The following CLTCL1 variants were observed in gnomAD, a reference collection of about 807,000 sequenced individuals.
The protein encoded by CLTCL1 is clathrin heavy chain like 1, also known as clathrin heavy chain 2.
A neutral mutation model predicts 190.0 loss-of-function variants in CLTCL1; 159 were observed. That is an observed-to-expected ratio of 0.84 (90% CI 0.74 to 0.95). The LOEUF (loss-of-function observed/expected upper bound fraction) is 0.95. CLTCL1 is among the 40% of genes least tolerant of loss of function. CLTCL1 has a pLI of 0.00. For missense variants in CLTCL1, 1,878 were observed against 2,033.4 expected (o/e 0.92, Z 1.47); for synonymous variants, 752 against 769.6 (o/e 0.98, Z 0.38).
At chr22:19,263,468 G>A (rs1051186285) in intron 2 of CLTCL1, among the ~76,000 whole-genome samples, 4 of 152,084 alleles carry the variant, frequency 2.6e-5, no homozygotes, top group Non-Finnish European at 5.9e-5. Context: ...AGGCTGAAGT[G>A]CAGTGGCGCA....
rs2087480260 is a variant in CLTCL1 at position 19,275,749 on chromosome 22, C to T, written c.124G>A (p.Glu42Lys). 6.2e-7 allele frequency: 1 copy of T among 1,610,040 alleles called. No homozygotes were observed. Among genetic ancestry groups the T allele is most frequent in the East Asian group, 2.2e-5 (1 of 44,794 alleles). Residue 42 changes from glutamate to lysine, a missense_variant, in exon 2 of 33, where the codon GAG becomes AAG. Coordinates refer to ENST00000427926, the MANE Select transcript of CLTCL1 (RefSeq NM_007098.4). ...MESDKFICIR[E>K]KVGEQAQVTI... ...ACCTGTGCCTGCTCACCAACTTTCT[C>T]TCGGATACATATGAACTTGTCAGAT...
chr22:19,220,057 C>G, intron 17 of CLTCL1, 50 bp from the exon 18 acceptor site: 3 of 1,611,360 alleles, frequency 1.9e-6, no homozygotes, highest in Non-Finnish European at 2.5e-6. Context: ...CCAGCGGAAG[C>G]TGCTTGGGAG....
chr22:19,275,847 C>T lies in CLTCL1; in HGVS notation c.43-17G>A. On this transcript the variant is annotated splice_polypyrimidine_tract_variant and intron_variant, in intron 1 of 32. Coordinates refer to ENST00000427926, the MANE Select transcript of CLTCL1 (RefSeq NM_007098.4). ...GTTTTGGAGCTAAACAGAAAAAAAG[C>T]ATTTGATTAAATTTTTTTCCTCTGA... The T allele has an allele frequency of 6.4e-7, 1 of 1,566,954 alleles. No individual in the cohort carries two copies. Among genetic ancestry groups the T allele is most frequent in the Non-Finnish European group, 8.7e-7 (1 of 1,154,680 alleles).
In CLTCL1 at chr22:19,223,923, A is replaced by G. The variant is rs782808716; in HGVS notation, c.2260T>C (p.Tyr754His). Residue 754 changes from tyrosine (Y) to histidine (H), a missense_variant, in exon 14 of 33, where the codon TAC (tyrosine) becomes CAC (histidine). Physicochemically the swap from Tyr to His is moderately conservative, Grantham distance 83. Transcript: ENST00000427926. ...AAGTTCTTCACACGCTCTGGGTTGT[A>G]GCAGCTGCTCTCTCGGCATATCCTC... ...VERICRESSC[Y>H]NPERVKNFLK... The G allele has an allele frequency of 4.3e-6, 7 of 1,613,916 alleles. No individual in the cohort carries two copies. The South Asian group carries it at 5.5e-5, about 13-fold the overall frequency.
intron 22 of CLTCL1, among the ~76,000 whole-genome samples, 175 bp from the exon 23 acceptor site, chr22:19,201,668 C>A (rs1555939692): frequency 6.6e-6 from 1 of 152,070 alleles, no homozygotes; most frequent in African/African-American, 2.4e-5. Flanking sequence ...TCCCTGGACA[C>A]CCTCCTCCAC....
chr22:19,193,850 C>T (rs782325995), intron 26 of CLTCL1, among the ~76,000 whole-genome samples: 2 of 152,182 alleles, frequency 1.3e-5, no homozygotes, highest in African/African-American at 2.4e-5. Context: ...TCCAGACCTT[C>T]GCAGTGAGTG....
intron 4 of CLTCL1, among the ~76,000 whole-genome samples, chr22:19,241,237 G>C (rs2086244530): frequency 6.6e-6 from 1 of 152,242 alleles, no homozygotes; most frequent in Non-Finnish European, 1.5e-5. Flanking sequence ...GCTGCCGTCT[G>C]TGTACAGAGC....
chr22:19,186,993 G>A (rs1457363069), intron 29 of CLTCL1, among the ~76,000 whole-genome samples: 1 of 148,820 alleles, frequency 6.7e-6, no homozygotes, highest in Non-Finnish European at 1.5e-5. Context: ...GAGCAGTGGT[G>A]TGATCATAGC....
intron 9 of CLTCL1, 26 bp downstream of exon 9, chr22:19,233,140 G>A: frequency 6.3e-7 from 1 of 1,596,754 alleles, no homozygotes; most frequent in Non-Finnish European, 8.6e-7. Context: ...TAATCTGTGA[G>A]ATGCCAGTGG....
intron 3 of CLTCL1, among the ~76,000 whole-genome samples, chr22:19,246,446 C>G (rs1569218649): frequency 6.6e-6 from 1 of 151,956 alleles, no homozygotes; most frequent in Non-Finnish European, 1.5e-5. Flanking sequence ...TAGGAGGGTT[C>G]CAATTTCTCC....
In CLTCL1 at chr22:19,198,318, C is replaced by T. The variant is rs1355228145; in HGVS notation, c.3873+1416G>A. ...AGTCAGAGTCACTGTCCCTTCTCGC[C>T]TAGACCACTGCAACAGCCTCCAGCT... is the stretch of plus-strand genomic sequence containing the variant. On this transcript the variant is annotated intron_variant, in intron 24 of 32. Coordinates refer to ENST00000427926, the MANE Select transcript of CLTCL1 (RefSeq NM_007098.4). The surrounding 1 kb of genome is among the most constrained non-coding windows in gnomAD (Gnocchi z 4.1). Among the ~76,000 whole-genome samples, 1 of 152,192 alleles carries T rather than the reference C, an allele frequency of 6.6e-6. No individual in the cohort carries two copies. The highest frequency in any genetic ancestry group is 2.4e-5 in the African/African-American group (1 of 41,444).
At chr22:19,239,199 G>A in intron 5 of CLTCL1, 76 bp downstream of exon 5, 1 of 1,149,708 alleles carries the variant, frequency 8.7e-7, no homozygotes, top group South Asian at 1.3e-5. Context: ...ACTAAAAATG[G>A]CAGCCTCCTG....
chr22:19,207,010 ATTTT>A (rs781980213), intron 22 of CLTCL1, among the ~76,000 whole-genome samples: 2 of 92,780 alleles, frequency 2.2e-5, no homozygotes, highest in South Asian at 7.4e-4. Flanking sequence ...TAAACTACTA[ATTTT>A]TTTTTTTTTT....
chr22:19,187,421 C>T, intron 29 of CLTCL1, 137 bp downstream of exon 29: 1 of 795,960 alleles, frequency 1.3e-6, no homozygotes, highest in Non-Finnish European at 2.0e-6. Flanking sequence ...ATACTAATCC[C>T]CCCACCCACC....
intron 26 of CLTCL1, 47 bp downstream of exon 26, chr22:19,196,219 G>C (rs781958676): frequency 1.3e-6 from 2 of 1,587,960 alleles, no homozygotes; most frequent in Admixed American, 3.5e-5. Context: ...CCCAGAATAG[G>C]GCCTGGCAGA....
At chr22:19,246,110 A>G (rs2086409359) in intron 3 of CLTCL1, among the ~76,000 whole-genome samples, 1 of 152,106 alleles carries the variant, frequency 6.6e-6, no homozygotes, top group Non-Finnish European at 1.5e-5. Flanking sequence ...TTTAGGCTGG[A>G]GTGCAGTGGT....
intron 3 of CLTCL1, among the ~76,000 whole-genome samples, chr22:19,243,397 C>G (rs1670859986): frequency 6.6e-6 from 1 of 152,128 alleles, no homozygotes; most frequent in Admixed American, 6.5e-5. Flanking sequence ...TTGGGAGAAT[C>G]ACTTGAGGCC....
intron 22 of CLTCL1, among the ~76,000 whole-genome samples, chr22:19,202,557 CACCTCCCCTCCTTCCATCATCCAT>C (rs2084930878): frequency 7.1e-6 from 1 of 141,424 alleles, no homozygotes; most frequent in African/African-American, 2.6e-5. Context: ...TCATCCATGG[CACCTCCCCTCCTTCCATCATCCAT>C]GGCACCTCCC....
chr22:19,193,877 T>C (rs148557644), intron 26 of CLTCL1, among the ~76,000 whole-genome samples: 323 of 152,330 alleles, frequency 2.1e-3, no homozygotes, highest in African/African-American at 7.4e-3. Flanking sequence ...CTTTTAAACC[T>C]AGTGCAGACT....
Sources: allele counts gnomAD v4.1 joint callset (sites outside exome capture counted in the v4.1 genomes callset), GRCh38; gene constraint gnomAD v4.1.1; non-coding constraint Gnocchi (gnomAD v3.1); transcripts MANE v1.5; gene names NCBI Gene and HGNC (gene_info 2026-07-23, HGNC 2026-07-21).